SIN3A: variants seen among roughly 807,000 people sequenced by gnomAD.
SIN3A encodes the protein paired amphipathic helix protein Sin3a.
Under a neutral mutation model 146.1 loss-of-function variants are expected in SIN3A, and 14 were observed. The ratio of observed to expected loss-of-function variants is 0.10; its 90% CI spans 0.06 to 0.15. The LOEUF is 0.15. Among genes scored for constraint, SIN3A ranks in the 10% least tolerant of loss-of-function variants. SIN3A has a pLI of 1.00. For missense variants in SIN3A, 1,028 were observed against 1,576.0 expected (o/e 0.65, Z 5.89); for synonymous variants, 572 against 572.0 (o/e 1.00, Z 0.00).
chr15:75,405,260 G>T (rs2073488211), intron 9 of SIN3A, among the ~76,000 whole-genome samples: 2 of 151,414 alleles, frequency 1.3e-5, no homozygotes, highest in Non-Finnish European at 2.9e-5. Context: ...TAGCTACTCA[G>T]GAGGCTGAGG....
chr15:75,396,372 G>C lies in SIN3A; in HGVS notation c.1979C>G (p.Thr660Arg). 13 of 1,614,150 alleles carry C rather than the reference G, an allele frequency of 8.1e-6. No individual in the cohort carries two copies. The highest frequency in any genetic ancestry group is 1.0e-5 in the Non-Finnish European group (12 of 1,180,022). The change falls in exon 13 of 21, where the codon ACA becomes AGA. Residue 660 changes from threonine (T) to arginine (R), a missense_variant. By Grantham distance (71) the Thr-to-Arg change is moderately conservative. Around this residue, in one of 9 missense-constraint regions of SIN3A, gnomAD observed 157 missense variants for 284.8 expected, o/e 0.55. Transcript: ENST00000394947. The part of the protein sequence containing the change: ...KFRLDNTLGG[T>R]SEVIHRKALQ... ...TGCTTTTCTATGGATGACTTCTGAT[G>C]TGCCCCCAAGGGTGTTGTCCAAGCG...
Position 75,400,749 on chromosome 15 carries a change from C to T in SIN3A, c.1718G>A (p.Arg573Gln), listed in dbSNP as rs1196648474. 4 of 1,613,540 alleles carry T rather than the reference C, an allele frequency of 2.5e-6. No homozygotes were observed. Among genetic ancestry groups the T allele is most frequent in the Non-Finnish European group, 3.4e-6 (4 of 1,179,930 alleles). ...KSYQQPKCTGRTPLCKEVLND... is the reference protein window; with the variant it reads ...KSYQQPKCTGQTPLCKEVLND... ...CCTTACCTCTTTACAGAGAGGAGTC[C>T]GTCCTGTACACTTGGGCTGCTGGTA... The change falls in exon 11 of 21, where the codon CGG becomes CAG. Residue 573 changes from arginine to glutamine, a missense_variant. By Grantham distance (43) the Arg-to-Gln change is conservative. Transcript: ENST00000394947.
intron 12 of SIN3A, 47 bp downstream of exon 12, chr15:75,399,993 G>C: frequency 9.8e-7 from 1 of 1,021,588 alleles, no homozygotes; most frequent in South Asian, 1.3e-5. Flanking sequence ...TAGTCTCACT[G>C]AGCATCTCCC....
intron 4 of SIN3A, among the ~76,000 whole-genome samples, chr15:75,413,496 G>C (rs1226915522): frequency 6.6e-6 from 1 of 150,818 alleles, no homozygotes; most frequent in Non-Finnish European, 1.5e-5. Context: ...CACGAACTCT[G>C]AAATTCCAAA....
intron 3 of SIN3A, among the ~76,000 whole-genome samples, chr15:75,414,769 T>C (rs561648186): frequency 9.9e-5 from 15 of 152,190 alleles, no homozygotes; most frequent in Non-Finnish European, 1.0e-4. Flanking sequence ...ACACGTCTTC[T>C]CCACCAAAAA....
chr15:75,381,844 T>C lies in SIN3A; in HGVS notation c.3196-139A>G, dbSNP rs574336436. The stretch of plus-strand genomic sequence containing the variant: ...AAGAGATGAGGAAGATACTAGATCT[T>C]GGGTGGCCAGTGATAAAGGCAAAAG... On this transcript the variant is annotated intron_variant, in intron 17 of 20. Transcript: ENST00000394947. 9.4e-5 allele frequency: 65 copies of C among 690,772 alleles called. 1 individual carries two copies. In the South Asian group the frequency reaches 1.2e-3, roughly 13 times the overall value. 42.8% of individuals were successfully genotyped at this position (690,772 alleles called of 1,614,324 possible). A position where few individuals can be genotyped will look rare whatever the true frequency, so the allele number is the denominator to read the frequency against.
At chr15:75,385,470 G>A (rs2073060226) in intron 16 of SIN3A, among the ~76,000 whole-genome samples, 1 of 152,150 alleles carries the variant, frequency 6.6e-6, no homozygotes, top group Non-Finnish European at 1.5e-5. Flanking sequence ...GACAATCTTA[G>A]GAAACTAATG....
chr15:75,380,634 G>A lies in SIN3A; in HGVS notation c.3378C>T (p.Leu1126=). Residue 1126 remains leucine, a synonymous_variant, in exon 19 of 21, where the codon CTC becomes CTT. Transcript: ENST00000394947. ...REHLAQKPVF[L]PRNLRRIRKC... is the part of the protein sequence containing the mutation. The stretch of plus-strand genomic sequence containing the variant: ...AGATGACATGGCTCACTCACCTGGG[G>A]AGAAATACTGGTTTCTGTGCTAGAT... 1 of 1,611,566 alleles carries A rather than the reference G, an allele frequency of 6.2e-7. No homozygotes were observed. The highest frequency in any genetic ancestry group is 8.5e-7 in the Non-Finnish European group (1 of 1,177,696).
intron 14 of SIN3A, among the ~76,000 whole-genome samples, chr15:75,394,109 GA>G (rs1421799038): frequency 6.6e-6 from 1 of 152,090 alleles, no homozygotes; most frequent in Non-Finnish European, 1.5e-5. Flanking sequence ...TGCCCGGCCT[GA>G]TTAAGTTCAC....
At chr15:75,445,294 C>T (rs1400721138) in intron 1 of SIN3A, among the ~76,000 whole-genome samples, 3 of 143,604 alleles carry the variant, frequency 2.1e-5, no homozygotes, top group Admixed American at 7.2e-5. Context: ...GACAGGAGAA[C>T]TGCTTGAACC....
At chr15:75,445,550 G>C (rs1371121110) in intron 1 of SIN3A, among the ~76,000 whole-genome samples, 1 of 151,062 alleles carries the variant, frequency 6.6e-6, no homozygotes, top group Non-Finnish European at 1.5e-5. Context: ...CAGCCTGGGA[G>C]ACAGAGCAAA....
intron 19 of SIN3A, 161 bp from the exon 20 acceptor site, chr15:75,376,033 A>G (rs1001901331): frequency 1.5e-6 from 1 of 674,002 alleles, no homozygotes; most frequent in East Asian, 2.7e-5. Context: ...AAAAATTTCA[A>G]CTGCAAAGGT....
intron 11 of SIN3A, 89 bp from the exon 12 acceptor site, chr15:75,400,245 A>T: frequency 1.4e-6 from 1 of 726,182 alleles, no homozygotes. Context: ...AAACTCTAGC[A>T]GAGAAATAGG....
At chr15:75,452,068 G>T (rs1457711442), upstream of SIN3A, among the ~76,000 whole-genome samples, 3 of 152,194 alleles carry the variant, frequency 2.0e-5, no homozygotes, top group Non-Finnish European at 4.4e-5. Flanking sequence ...GCTGGTCATC[G>T]CATTGGAAGG....
At chr15:75,442,779 A>C in intron 1 of SIN3A, among the ~76,000 whole-genome samples, 1 of 151,906 alleles carries the variant, frequency 6.6e-6, no homozygotes, top group East Asian at 1.9e-4. Context: ...AAAAATACAA[A>C]AAATTAGCCA....
chr15:75,383,269 C>A (rs551958986), intron 17 of SIN3A, among the ~76,000 whole-genome samples: 4 of 138,682 alleles, frequency 2.9e-5, no homozygotes, highest in Admixed American at 7.4e-5. Flanking sequence ...GTGTCCCTGT[C>A]TTAAAAAAAA....
chr15:75,455,102 C>G (rs1252161308), upstream of SIN3A: 1 of 151,546 alleles, frequency 6.6e-6, no homozygotes, highest in Non-Finnish European at 1.5e-5. Context: ...CCATAACAAC[C>G]GCGGGCCCAC....
At chr15:75,441,925 C>T (rs1348480143) in intron 1 of SIN3A, among the ~76,000 whole-genome samples, 1 of 151,718 alleles carries the variant, frequency 6.6e-6, no homozygotes, top group East Asian at 1.9e-4. Flanking sequence ...TTGAGACCAT[C>T]CTGGCTAAAA....
At chr15:75,432,029 G>C (rs2074021786) in intron 1 of SIN3A, among the ~76,000 whole-genome samples, 1 of 152,144 alleles carries the variant, frequency 6.6e-6, no homozygotes, top group East Asian at 1.9e-4. Context: ...CAGTTAAATG[G>C]AGTTGAGAAC....
Sources: allele counts gnomAD v4.1 joint callset (sites outside exome capture counted in the v4.1 genomes callset), GRCh38; gene constraint gnomAD v4.1.1; regional missense constraint gnomAD v4.1.1; transcripts MANE v1.5; gene names NCBI Gene and HGNC (gene_info 2026-07-23, HGNC 2026-07-21).